Variants in NTM observed in about 807,000 individuals in gnomAD.
The protein encoded by NTM is IgLON family member 2.
NTM carries 13 observed loss-of-function variants against 42.1 expected under a neutral mutation model. The observed-to-expected ratio is 0.31, with a 90% CI of 0.20 to 0.49. The LOEUF is 0.49. Ranked by LOEUF, NTM falls within the 20% of genes least tolerant of loss-of-function variation. The pLI, the probability that NTM is intolerant of heterozygous loss-of-function variation, is 0.99. For missense variants in NTM, 373 were observed against 452.8 expected, an observed-to-expected ratio of 0.82 and a Z score of 1.60; for synonymous variants, 187 against 179.2, an observed-to-expected ratio of 1.04 and a Z score of -0.35.
At chr11:131,466,281 G>A (rs919933035) in intron 1 of NTM, among the ~76,000 whole-genome samples, 2 of 152,220 alleles carry the variant, frequency 1.3e-5, no homozygotes, top group South Asian at 4.1e-4. Flanking sequence ...AGCTACAAAT[G>A]CAGCCCAGAT....
intron 1 of NTM, chr11:131,769,763 C>G (rs1243287813): frequency 6.3e-6 from 1 of 158,498 alleles, no homozygotes; most frequent in East Asian, 1.9e-4. Flanking sequence ...GCTTTTTCCA[C>G]CTCTCCTTGA....
intron 1 of NTM, among the ~76,000 whole-genome samples, chr11:131,743,256 GATA>G (rs546915023): frequency 4.2e-4 from 63 of 150,162 alleles, no homozygotes; most frequent in Non-Finnish European, 7.8e-4. Flanking sequence ...AAATTTTAGA[GATA>G]ATAATTCTTG....
chr11:131,860,301 T>A (rs1345508348), intron 1 of NTM, among the ~76,000 whole-genome samples: 1 of 152,166 alleles, frequency 6.6e-6, no homozygotes, highest in Non-Finnish European at 1.5e-5. Flanking sequence ...TCCTGTGCCA[T>A]GGTGAGGACA....
At chr11:132,307,561 C>T (rs2095133506) in intron 4 of NTM, 128 bp from the exon 5 acceptor site, 29 of 1,321,616 alleles carry the variant, frequency 2.2e-5, no homozygotes, top group Non-Finnish European at 2.4e-5. Flanking sequence ...CACACAGTTC[C>T]TCAGAATCTG....
chr11:132,023,560 A>C (rs2074678346), intron 2 of NTM, among the ~76,000 whole-genome samples: 1 of 152,124 alleles, frequency 6.6e-6, no homozygotes, highest in Non-Finnish European at 1.5e-5. Flanking sequence ...CGCCCGCTCC[A>C]GTGTCTAGCT....
chr11:131,464,876 G>T (rs928805185), intron 1 of NTM, among the ~76,000 whole-genome samples: 1 of 152,184 alleles, frequency 6.6e-6, no homozygotes, highest in Admixed American at 6.5e-5. Flanking sequence ...TGAATGTGCC[G>T]GTCTGGGTTG....
At chr11:131,990,288 A>T (rs1355930313) in intron 2 of NTM, among the ~76,000 whole-genome samples, 1 of 152,184 alleles carries the variant, frequency 6.6e-6, no homozygotes. Context: ...GCCATGCTGC[A>T]TATGTAAGTG....
chr11:132,222,733 G>A (rs2085424370), intron 4 of NTM, among the ~76,000 whole-genome samples: 1 of 152,052 alleles, frequency 6.6e-6, no homozygotes, highest in African/African-American at 2.4e-5. Flanking sequence ...AACAGTGGTG[G>A]GTTCTTCTCT....
chr11:131,986,394 G>A (rs2066073997), intron 2 of NTM, among the ~76,000 whole-genome samples: 1 of 152,120 alleles, frequency 6.6e-6, no homozygotes, highest in African/African-American at 2.4e-5. Context: ...AAATCACTTT[G>A]CAGACTACAG....
intron 3 of NTM, among the ~76,000 whole-genome samples, chr11:132,158,063 G>A (rs373795509): frequency 2.5e-4 from 38 of 152,266 alleles, no homozygotes; most frequent in African/African-American, 6.3e-4. Flanking sequence ...CATGCTCAGC[G>A]AAAGCATTTC....
chr11:132,040,155 C>T (rs890443795), intron 2 of NTM, among the ~76,000 whole-genome samples: 1 of 152,084 alleles, frequency 6.6e-6, no homozygotes, highest in Admixed American at 6.5e-5. Flanking sequence ...CGGCTGGTCT[C>T]GAACTCTGAG....
intron 2 of NTM, among the ~76,000 whole-genome samples, chr11:131,939,182 G>T (rs2059542878): frequency 6.6e-6 from 1 of 152,116 alleles, no homozygotes. Flanking sequence ...ATATTTAAAG[G>T]TTGGAGGGAA....
chr11:131,921,674 C>A (rs1308839143), intron 2 of NTM, among the ~76,000 whole-genome samples: 1 of 152,118 alleles, frequency 6.6e-6, no homozygotes, highest in Non-Finnish European at 1.5e-5. Flanking sequence ...ACCCAGTTCC[C>A]AGCTGTGACA....
rs563740663 is a variant in NTM at position 131,684,229 on chromosome 11, G to A, written c.83-227335G>A. On this transcript the variant is annotated intron_variant, in intron 1 of 8. Transcript: ENST00000683400. ...ACGTGGGGTGAGCAGCCTTCACCAC[G>A]AGGACGTCCTGACGACAGTGACTCT... Among the ~76,000 whole-genome samples the A allele has an allele frequency of 7.9e-5, 12 of 152,292 alleles. No individual in the cohort carries two copies. The South Asian group carries it at 1.4e-3, about 18-fold the overall frequency.
chr11:131,626,348 A>G (rs1170273276), intron 1 of NTM, among the ~76,000 whole-genome samples: 1 of 152,206 alleles, frequency 6.6e-6, no homozygotes, highest in Non-Finnish European at 1.5e-5. Flanking sequence ...TTACTAATAT[A>G]CAAACGTATA....
chr11:132,257,569 G>T (rs2092579542), intron 4 of NTM, among the ~76,000 whole-genome samples: 1 of 152,154 alleles, frequency 6.6e-6, no homozygotes, highest in Non-Finnish European at 1.5e-5. Flanking sequence ...TCCTGAAGAA[G>T]CCAGCATGAC....
chr11:132,147,725 C>A (rs144013429), intron 3 of NTM, among the ~76,000 whole-genome samples: 1 of 152,014 alleles, frequency 6.6e-6, no homozygotes, highest in Non-Finnish European at 1.5e-5. Context: ...CAACCAGGGA[C>A]GTGTAGCTCC....
intron 2 of NTM, among the ~76,000 whole-genome samples, chr11:132,133,360 C>T (rs557607888): frequency 6.6e-6 from 1 of 152,310 alleles, no homozygotes; most frequent in African/African-American, 2.4e-5. Flanking sequence ...ATGAGTCTGT[C>T]TTGTTTGCCT....
rs753679360 is a variant in NTM at position 132,307,733 on chromosome 11, A to G, written c.571A>G (p.Ile191Val). 3 of 1,614,098 alleles carry G rather than the reference A, an allele frequency of 1.9e-6. No homozygotes were observed. The highest frequency in any genetic ancestry group is 2.2e-5 in the East Asian group (1 of 44,896). Residue 191 changes from isoleucine to valine, a missense_variant, in exon 5 of 9, where the codon ATC becomes GTC. By Grantham distance (29) the Ile-to-Val change is conservative (BLOSUM62 3). Coordinates refer to ENST00000683400, the MANE Select transcript of NTM (RefSeq NM_001352005.2). The stretch of plus-strand genomic sequence containing the variant: ...AGACGAATACTTGGAAATTCAGGGC[A>G]TCACCAGGGAGCAGTCAGGGGACTA... ...SEDEYLEIQG[I>V]TREQSGDYEC...
Sources: gnomAD v4.1 joint callset for allele counts (sites outside exome capture counted in the v4.1 genomes callset) on GRCh38, gnomAD v4.1.1 for gene constraint, MANE v1.5 for transcripts, NCBI Gene and HGNC (gene_info 2026-07-23, HGNC 2026-07-21) for gene names.